The following CLN8 variants were observed in gnomAD, a reference collection of about 807,000 sequenced individuals.
The protein encoded by CLN8 is CLN8 transmembrane ER and ERGIC protein, also known as protein CLN8.
In CLN8, 14 loss-of-function variants were observed where a neutral mutation model predicts 15.7. The ratio of observed to expected loss-of-function variants is 0.89; its 90% CI spans 0.59 to 1.39. The LOEUF (loss-of-function observed/expected upper bound fraction) is 1.39. CLN8 is among the 40% of genes most tolerant of loss of function. CLN8 has a pLI of 0.00. For synonymous variants in CLN8, 188 were observed against 151.0 expected (o/e 1.25, Z -1.80); for missense variants, 415 against 364.0 (o/e 1.14, Z -1.14).
Position 1,782,347 on chromosome 8 carries a change from G to T in CLN8, c.*1780G>T, listed in dbSNP as rs755799935. On this transcript the variant is annotated 3_prime_UTR_variant, in exon 3 of 3. Coordinates refer to ENST00000331222, the MANE Select transcript of CLN8 (RefSeq NM_018941.4). ...TTTAGTAGAGACAGGGTTTCACCAT[G>T]TTGGCCAGGCTGGTCTCTGACTCCT... The T allele has an allele frequency of 6.6e-6, 1 of 152,148 alleles. No individual in the cohort carries two copies. The highest frequency in any genetic ancestry group is 1.5e-5 in the Non-Finnish European group (1 of 68,038). 9.4% of individuals were successfully genotyped at this position (152,148 alleles called of 1,614,324 possible).
In CLN8 at chr8:1,777,013, C is replaced by T. The variant is rs150845054; in HGVS notation, c.544-3237C>T. On this transcript the variant is annotated intron_variant, in intron 2 of 2. Transcript: ENST00000331222. ...CCATGTACAGTCATACGTTGCTTAA[C>T]GACGGGCTGTGTTCTGAGAAATGTG... is the stretch of plus-strand genomic sequence containing the variant. Among the ~76,000 whole-genome samples the T allele has an allele frequency of 8.5e-5, 13 of 152,272 alleles. No homozygotes were observed. The East Asian group carries it at 2.3e-3, about 27-fold the overall frequency.
upstream of CLN8, chr8:1,763,176 G>C (rs1458556698): frequency 1.3e-5 from 2 of 151,940 alleles, no homozygotes; most frequent in African/African-American, 4.8e-5. Context: ...CACCCGGAGC[G>C]CGACTCAGCC....
upstream of CLN8, among the ~76,000 whole-genome samples, chr8:1,761,677 G>A (rs1800800161): frequency 6.6e-6 from 1 of 152,194 alleles, no homozygotes; most frequent in South Asian, 2.1e-4. Context: ...CCAGTAAGCT[G>A]GGAGCACTGA....
intron 2 of CLN8, among the ~76,000 whole-genome samples, chr8:1,778,670 T>C (rs536693816): frequency 6.6e-6 from 1 of 152,334 alleles, no homozygotes; most frequent in Non-Finnish European, 1.5e-5. Context: ...GGCGTGTGTG[T>C]GCATGAGGGT....
chr8:1,779,550 T>G (rs1310808697), intron 2 of CLN8, among the ~76,000 whole-genome samples: 1 of 152,226 alleles, frequency 6.6e-6, no homozygotes, highest in African/African-American at 2.4e-5. Flanking sequence ...TGGCCCAAGT[T>G]AGAATATTTT....
chr8:1,765,670 G>A (rs1211080063), intron 1 of CLN8, among the ~76,000 whole-genome samples: 1 of 152,192 alleles, frequency 6.6e-6, no homozygotes, highest in Non-Finnish European at 1.5e-5. Context: ...CTTAGTGAGT[G>A]GGTAACAGGA....
At chr8:1,765,918 A>G (rs1252787150) in intron 1 of CLN8, among the ~76,000 whole-genome samples, 1 of 152,204 alleles carries the variant, frequency 6.6e-6, no homozygotes, top group Non-Finnish European at 1.5e-5. Flanking sequence ...AAAGCATGCA[A>G]CCTTTTTTTT....
chr8:1,753,568 T>TAAAAAAAAAA (rs1184933996), upstream of CLN8, among the ~76,000 whole-genome samples: 1 of 27,226 alleles, frequency 3.7e-5, no homozygotes, highest in African/African-American at 8.7e-5. Flanking sequence ...TGAAACTGTT[T>TAAAAAAAAAA]CAAAAAAAAA....
rs193005209 is a variant in CLN8, at chr8:1,770,234, G to T, written c.-123-698G>T. ...TGACAGGTAAGATGATGCCAACTTGGGGAAGGTAAAGACTTTTCCAGGAGA... is the reference window on the plus strand; with the variant it reads ...TGACAGGTAAGATGATGCCAACTTGTGGAAGGTAAAGACTTTTCCAGGAGA... On this transcript the variant is annotated intron_variant, in intron 1 of 2. Coordinates refer to ENST00000331222, the MANE Select transcript of CLN8 (RefSeq NM_018941.4). 2.5e-3 allele frequency among the ~76,000 whole-genome samples: 381 copies of T among 152,278 alleles called. 1 individual carries two copies. The highest frequency in any genetic ancestry group is 8.4e-3 in the Admixed American group (128 of 15,290).
rs981649142 is a variant in CLN8 at position 1,784,702 on chromosome 8, C to T, written c.*4135C>T. The T allele has an allele frequency of 1.3e-5, 2 of 152,468 alleles. No individual in the cohort carries two copies. Among genetic ancestry groups the T allele is most frequent in the Admixed American group, 6.5e-5 (1 of 15,272 alleles). 9.4% of individuals were successfully genotyped at this position (152,468 alleles called of 1,614,324 possible). A position where few individuals can be genotyped will look rare whatever the true frequency, so the allele number is the denominator to read the frequency against. ...TGCTTGGCAGTAGGGAGTGGATGAA[C>T]CAGTAGTACCCAGGGCTGCCAGGCA... On this transcript the variant is annotated 3_prime_UTR_variant, in exon 3 of 3. Coordinates refer to ENST00000331222, the MANE Select transcript of CLN8 (RefSeq NM_018941.4).
intron 2 of CLN8, among the ~76,000 whole-genome samples, chr8:1,773,215 C>T (rs777972604): frequency 1.1e-4 from 16 of 152,084 alleles, no homozygotes; most frequent in African/African-American, 3.6e-4. Context: ...GCCCCAGATG[C>T]GGACCCTCTG....
chr8:1,779,543 C>A (rs1013579772), intron 2 of CLN8, among the ~76,000 whole-genome samples: 6 of 152,224 alleles, frequency 3.9e-5, no homozygotes, highest in Admixed American at 2.6e-4. Flanking sequence ...CCGTGCCTGG[C>A]CCAAGTTAGA....
At chr8:1,761,410 C>G (rs917139008), upstream of CLN8, among the ~76,000 whole-genome samples, 2 of 152,204 alleles carry the variant, frequency 1.3e-5, no homozygotes, top group Non-Finnish European at 2.9e-5. Context: ...CTGCAACCTC[C>G]GCCTTCAGGG....
In CLN8 at chr8:1,771,721, A is replaced by T. The variant is rs1011682016; in HGVS notation, c.543+124A>T. The T allele has an allele frequency of 3.5e-6, 3 of 861,438 alleles. No homozygotes were observed. The Admixed American group carries it at 6.2e-5, about 18-fold the overall frequency. 53.4% of individuals were successfully genotyped at this position (861,438 alleles called of 1,614,324 possible). ...TTGCAGCACACACATTCAGTTACAA[A>T]CTCATTTTAGTTGAATGCAATATTC... On this transcript the variant is annotated intron_variant, in intron 2 of 2. Transcript: ENST00000331222.
In CLN8 at chr8:1,777,615, G is replaced by A. The variant is rs148566269; in HGVS notation, c.544-2635G>A. On this transcript the variant is annotated intron_variant, in intron 2 of 2. Coordinates refer to ENST00000331222, the MANE Select transcript of CLN8 (RefSeq NM_018941.4). ...ATTCTGTAAGCTTTTCTTAATTTTC[G>A]AAACTTTTTTTTAAATTGTTGAAAT... is the stretch of plus-strand genomic sequence containing the variant. 2.9e-3 allele frequency among the ~76,000 whole-genome samples: 438 copies of A among 151,344 alleles called. 2 individuals are homozygous for A. Among genetic ancestry groups the A allele is most frequent in the African/African-American group, 9.9e-3 (409 of 41,216 alleles).
intron 1 of CLN8, chr8:1,758,076 T>C (rs1406608714): frequency 2.6e-5 from 4 of 152,162 alleles, no homozygotes; most frequent in African/African-American, 9.7e-5. Flanking sequence ...AGCCCTTTAG[T>C]ACGATATCCC....
intron 1 of CLN8, among the ~76,000 whole-genome samples, chr8:1,769,034 C>T (rs185847623): frequency 6.6e-6 from 1 of 152,314 alleles, no homozygotes; most frequent in Non-Finnish European, 1.5e-5. Context: ...GGCAGCATGA[C>T]ACGGGAGCCG....
At chr8:1,778,526 T>C (rs957334688) in intron 2 of CLN8, among the ~76,000 whole-genome samples, 4 of 152,116 alleles carry the variant, frequency 2.6e-5, no homozygotes, top group African/African-American at 9.7e-5. Context: ...CAATGCTGAG[T>C]GCGGTGAAGC....
At chr8:1,757,500 G>A (rs551107112) in intron 1 of CLN8, among the ~76,000 whole-genome samples, 17 of 152,278 alleles carry the variant, frequency 1.1e-4, no homozygotes, top group African/African-American at 4.1e-4. Flanking sequence ...GAGTGCAGTG[G>A]CACAGTCTCA....
Sources: allele counts gnomAD v4.1 joint callset (sites outside exome capture counted in the v4.1 genomes callset), GRCh38; gene constraint gnomAD v4.1.1; transcripts MANE v1.5; gene names NCBI Gene and HGNC (gene_info 2026-07-23, HGNC 2026-07-21).